JAKMIP2: variants seen among roughly 807,000 people sequenced by gnomAD.
JAKMIP2 encodes janus kinase and microtubule interacting protein 2, also known as janus kinase and microtubule-interacting protein 2.
Under a neutral mutation model 115.0 loss-of-function variants are expected in JAKMIP2, and 25 were observed. That is an observed-to-expected ratio of 0.22 (90% confidence interval 0.16 to 0.30). The LOEUF (loss-of-function observed/expected upper bound fraction) is 0.30, where lower values mean the gene tolerates loss of function less well. Ranked by LOEUF, JAKMIP2 falls within the 10% of genes least tolerant of loss-of-function variation. The probability of loss-of-function intolerance (pLI) is 1.00; values close to 1 mark genes in which losing one functional copy is unlikely to be tolerated. For missense variants in JAKMIP2, 642 were observed against 957.6 expected (o/e 0.67, Z 4.35); for synonymous variants, 334 against 343.6 (o/e 0.97, Z 0.31).
At chr5:147,715,524 C>A (rs1036507936) in intron 1 of JAKMIP2, among the ~76,000 whole-genome samples, 3 of 151,024 alleles carry the variant, frequency 2.0e-5, no homozygotes, top group Non-Finnish European at 3.0e-5. Context: ...CAGCCTGTGA[C>A]GGCTGTATTA....
intron 21 of JAKMIP2, among the ~76,000 whole-genome samples, chr5:147,601,477 T>C (rs746320580): frequency 2.0e-5 from 3 of 152,118 alleles, no homozygotes; most frequent in Non-Finnish European, 4.4e-5. Flanking sequence ...CACATGCCTG[T>C]AGTCCCAGCT....
chr5:147,681,826 G>A (rs1045823325), intron 1 of JAKMIP2, among the ~76,000 whole-genome samples: 3 of 152,040 alleles, frequency 2.0e-5, no homozygotes, highest in Non-Finnish European at 4.4e-5. Flanking sequence ...TGGATCGCTT[G>A]AGTCCAGGAG....
chr5:147,707,180 T>A (rs916853753), intron 1 of JAKMIP2, among the ~76,000 whole-genome samples: 2 of 152,202 alleles, frequency 1.3e-5, no homozygotes, highest in Non-Finnish European at 2.9e-5. Flanking sequence ...CTCTTAGTAA[T>A]GCCTGGGGTC....
At chr5:147,697,381 T>C (rs1033444763) in intron 1 of JAKMIP2, among the ~76,000 whole-genome samples, 1 of 152,020 alleles carries the variant, frequency 6.6e-6, no homozygotes, top group African/African-American at 2.4e-5. Flanking sequence ...TCCCACAACA[T>C]GTGGGAATTC....
chr5:147,739,632 A>G (rs1317039732), intron 1 of JAKMIP2, among the ~76,000 whole-genome samples: 1 of 152,048 alleles, frequency 6.6e-6, no homozygotes, highest in African/African-American at 2.4e-5. Flanking sequence ...TTCACAGAAG[A>G]GAGCTTGAAG....
At chr5:147,703,122 G>C (rs1752438471) in intron 1 of JAKMIP2, among the ~76,000 whole-genome samples, 1 of 152,098 alleles carries the variant, frequency 6.6e-6, no homozygotes, top group African/African-American at 2.4e-5. Flanking sequence ...ATACAGTCAT[G>C]TGTAATTTAA....
At chr5:147,759,578 G>A (rs1482666819) in intron 1 of JAKMIP2, among the ~76,000 whole-genome samples, 1 of 152,126 alleles carries the variant, frequency 6.6e-6, no homozygotes, top group Non-Finnish European at 1.5e-5. Flanking sequence ...CATTAAGATG[G>A]TGTGAGGTGC....
chr5:147,623,513 G>C, intron 17 of JAKMIP2, 108 bp downstream of exon 17: 1 of 630,272 alleles, frequency 1.6e-6, no homozygotes, highest in Non-Finnish European at 2.8e-6. Flanking sequence ...ATAATGGAAA[G>C]ATGACAAACT....
chr5:147,610,089 A>T (rs1361211138), intron 20 of JAKMIP2, among the ~76,000 whole-genome samples: 1 of 152,068 alleles, frequency 6.6e-6, no homozygotes, highest in Admixed American at 6.6e-5. Context: ...CTAACCTTTT[A>T]TTAAGGTTCT....
intron 1 of JAKMIP2, among the ~76,000 whole-genome samples, chr5:147,720,351 A>G (rs1042828112): frequency 2.0e-5 from 3 of 149,990 alleles, no homozygotes; most frequent in African/African-American, 7.4e-5. Flanking sequence ...CTCGAGGAGT[A>G]TCTTTGTGGC....
intron 1 of JAKMIP2, among the ~76,000 whole-genome samples, chr5:147,779,737 T>A (rs1368826087): frequency 6.6e-6 from 1 of 152,136 alleles, no homozygotes; most frequent in Non-Finnish European, 1.5e-5. Context: ...AAGTGTCTTA[T>A]CTTAAACAAC....
intron 21 of JAKMIP2, chr5:147,595,631 G>A: frequency 4.8e-6 from 2 of 420,466 alleles, no homozygotes; most frequent in South Asian, 1.7e-5. Flanking sequence ...GAGTTATAAT[G>A]GTCTCCATTA....
At chr5:147,686,928 T>C (rs1398614791) in intron 1 of JAKMIP2, among the ~76,000 whole-genome samples, 1 of 152,208 alleles carries the variant, frequency 6.6e-6, no homozygotes, top group Non-Finnish European at 1.5e-5. Flanking sequence ...ATAGACAACT[T>C]ATTAGGAAAA....
At chr5:147,700,244 A>G (rs970742819) in intron 1 of JAKMIP2, among the ~76,000 whole-genome samples, 1 of 152,176 alleles carries the variant, frequency 6.6e-6, no homozygotes, top group Non-Finnish European at 1.5e-5. Flanking sequence ...AATATTAAAA[A>G]TAAAATAAGG....
At position 147,782,661 on chromosome 5, in the gene JAKMIP2, G is replaced by A. The variant is rs183663238; in HGVS notation, c.-354C>T. 3 of 643,166 alleles carry A rather than the reference G, an allele frequency of 4.7e-6. No individual in the cohort carries two copies. Among genetic ancestry groups the A allele is most frequent in the Admixed American group, 4.5e-5 (2 of 43,970 alleles). 39.8% of individuals were successfully genotyped at this position (643,166 alleles called of 1,614,324 possible). A position where few individuals can be genotyped will look rare whatever the true frequency, so the allele number is the denominator to read the frequency against. On this transcript the variant is annotated 5_prime_UTR_variant, in exon 1 of 22. Coordinates refer to ENST00000616793, the MANE Select transcript of JAKMIP2 (RefSeq NM_001270941.2). The stretch of plus-strand genomic sequence containing the variant: ...GAGTATCAGCAATAGAGGCGGCGGC[G>A]GCGGCAGCAGCAGCAGCAGCAGCAT...
chr5:147,677,411 A>G (rs1489177154), intron 1 of JAKMIP2, among the ~76,000 whole-genome samples: 1 of 152,196 alleles, frequency 6.6e-6, no homozygotes, highest in African/African-American at 2.4e-5. Context: ...GACTTTATAT[A>G]TTAAAAGAGC....
intron 1 of JAKMIP2, among the ~76,000 whole-genome samples, chr5:147,743,935 T>C (rs1269170232): frequency 4.6e-5 from 7 of 152,014 alleles, no homozygotes; most frequent in Non-Finnish European, 5.9e-5. Flanking sequence ...CTCAGCTAGC[T>C]AGCCAGCTTT....
intron 20 of JAKMIP2, among the ~76,000 whole-genome samples, chr5:147,608,851 G>A (rs1756161567): frequency 6.6e-6 from 1 of 152,064 alleles, no homozygotes; most frequent in African/African-American, 2.4e-5. Flanking sequence ...TATGAATCTG[G>A]GTGTTCCTAT....
chr5:147,782,597 G>A lies in JAKMIP2; in HGVS notation c.-290C>T, dbSNP rs983653146. 2.4e-6 allele frequency: 2 copies of A among 841,470 alleles called. No homozygotes were observed. Among genetic ancestry groups the A allele is most frequent in the African/African-American group, 3.4e-5 (2 of 59,382 alleles). 52.1% of individuals were successfully genotyped at this position (841,470 alleles called of 1,614,324 possible). A position where few individuals can be genotyped will look rare whatever the true frequency, so the allele number is the denominator to read the frequency against. ...TTTTTTTTCCCTCTGTCTCTGGTTGGCGATGGTGCGAATAGGAACCACCCT... is the reference window on the plus strand; with the variant it reads ...TTTTTTTTCCCTCTGTCTCTGGTTGACGATGGTGCGAATAGGAACCACCCT... On this transcript the variant is annotated 5_prime_UTR_variant, in exon 1 of 22. Transcript: ENST00000616793.
Sources: allele counts gnomAD v4.1 joint callset (sites outside exome capture counted in the v4.1 genomes callset), GRCh38; gene constraint gnomAD v4.1.1; transcripts MANE v1.5; gene names NCBI Gene and HGNC (gene_info 2026-07-23, HGNC 2026-07-21).